The following SEMA3D variants were observed in gnomAD, a reference collection of about 807,000 sequenced individuals.
The protein encoded by SEMA3D is semaphorin 3D.
In SEMA3D, 84 loss-of-function variants were observed where a neutral mutation model predicts 100.1. The ratio of observed to expected loss-of-function variants is 0.84; its 90% CI spans 0.70 to 1.01. SEMA3D has a LOEUF of 1.01. SEMA3D is among the 50% of genes least tolerant of loss of function. SEMA3D has a pLI of 0.00. For missense variants in SEMA3D, 875 were observed against 934.1 expected, an observed-to-expected ratio of 0.94 and a Z score of 0.82; for synonymous variants, 312 against 320.7, an observed-to-expected ratio of 0.97 and a Z score of 0.29.
intron 9 of SEMA3D, among the ~76,000 whole-genome samples, chr7:85,049,718 C>G (rs2116041146): frequency 1.3e-5 from 2 of 151,826 alleles, no homozygotes; most frequent in East Asian, 3.9e-4. Flanking sequence ...CCTAAAAACA[C>G]AAATCTTCAA....
chr7:85,229,204 T>A, the SEMA3D span, among the ~76,000 whole-genome samples: 1 of 152,046 alleles, frequency 6.6e-6, no homozygotes, highest in East Asian at 1.9e-4. Context: ...TACATGTAAT[T>A]GTAAGCCTTC....
At chr7:85,146,528 T>G (rs956256790) in intron 2 of SEMA3D, among the ~76,000 whole-genome samples, 4 of 151,276 alleles carry the variant, frequency 2.6e-5, no homozygotes, top group African/African-American at 9.7e-5. Context: ...CACTCCAGCC[T>G]GGGTGACAGA....
At chr7:85,217,728 C>T in the SEMA3D span, among the ~76,000 whole-genome samples, 66 of 152,014 alleles carry the variant, frequency 4.3e-4, no homozygotes, top group Middle Eastern at 0.01. Context: ...TTTATGAAGC[C>T]CATTATGACT....
chr7:85,220,574 G>T, the SEMA3D span, among the ~76,000 whole-genome samples: 7 of 151,884 alleles, frequency 4.6e-5, no homozygotes, highest in African/African-American at 1.7e-4. Flanking sequence ...GTGTAATTTT[G>T]GGCAGCTAAT....
At chr7:85,208,754 A>G in the SEMA3D span, among the ~76,000 whole-genome samples, 9 of 152,190 alleles carry the variant, frequency 5.9e-5, no homozygotes, top group East Asian at 1.7e-3. Flanking sequence ...TGGCAAAGAC[A>G]GTAGGTAAGT....
the SEMA3D span, among the ~76,000 whole-genome samples, chr7:85,230,722 C>T: frequency 1.3e-5 from 2 of 152,164 alleles, no homozygotes; most frequent in African/African-American, 4.8e-5. Flanking sequence ...GCTGTTTGCT[C>T]ATTTCCTGAA....
chr7:85,039,549 C>T (rs1213003596), intron 11 of SEMA3D, among the ~76,000 whole-genome samples: 2 of 152,116 alleles, frequency 1.3e-5, no homozygotes, highest in Non-Finnish European at 2.9e-5. Flanking sequence ...CATGAGCCAT[C>T]GTGCCCACCG....
the SEMA3D span, among the ~76,000 whole-genome samples, chr7:85,209,300 G>GTGTA: frequency 6.6e-6 from 1 of 151,904 alleles, no homozygotes; most frequent in African/African-American, 2.4e-5. Context: ...ATGTATATGT[G>GTGTA]TGTATATATG....
chr7:85,028,095 T>A, intron 12 of SEMA3D: 1 of 626,180 alleles, frequency 1.6e-6, no homozygotes, highest in African/African-American at 1.8e-5. Context: ...TATGACATAT[T>A]GGCCTTTCAC....
chr7:85,238,785 A>C, the SEMA3D span, among the ~76,000 whole-genome samples: 5 of 152,202 alleles, frequency 3.3e-5, no homozygotes, highest in African/African-American at 2.4e-5. Flanking sequence ...CGTTGGGAAG[A>C]ATTGGAAACC....
chr7:85,247,640 T>G, the SEMA3D span, among the ~76,000 whole-genome samples: 2 of 152,068 alleles, frequency 1.3e-5, no homozygotes, highest in African/African-American at 4.8e-5. Context: ...CTACCTGACT[T>G]CCAGACTTCT....
intron 17 of SEMA3D, among the ~76,000 whole-genome samples, chr7:85,010,557 T>C (rs1789923100): frequency 1.3e-5 from 2 of 151,728 alleles, no homozygotes; most frequent in South Asian, 2.1e-4. Flanking sequence ...CCAGAAGGAC[T>C]AACTGAGAGG....
At chr7:85,148,050 A>G (rs1251785746) in intron 2 of SEMA3D, among the ~76,000 whole-genome samples, 2 of 152,202 alleles carry the variant, frequency 1.3e-5, no homozygotes, top group African/African-American at 4.8e-5. Context: ...TTCTATGGTC[A>G]GAGATCACAA....
At chr7:85,124,658 C>A (rs953279281) in intron 2 of SEMA3D, among the ~76,000 whole-genome samples, 2 of 152,010 alleles carry the variant, frequency 1.3e-5, no homozygotes, top group East Asian at 3.9e-4. Flanking sequence ...GAAAAGCAAA[C>A]AGAGACAGTT....
the SEMA3D span, among the ~76,000 whole-genome samples, chr7:85,228,551 C>T: frequency 2.6e-5 from 4 of 152,006 alleles, no homozygotes; most frequent in African/African-American, 9.7e-5. Context: ...TGTTGTTGCC[C>T]TCCAGGCCAT....
chr7:85,222,905 G>A, the SEMA3D span, among the ~76,000 whole-genome samples: 288 of 151,998 alleles, frequency 1.9e-3, 1 homozygote, highest in Non-Finnish European at 3.2e-3. Context: ...ACCATGCATC[G>A]GACAAAGGAC....
In SEMA3D at chr7:85,012,756, A is replaced by T. The variant is rs753977126; in HGVS notation, c.1768+26T>A. 4 of 1,575,946 alleles carry T rather than the reference A, an allele frequency of 2.5e-6. No individual in the cohort carries two copies. In the South Asian group the frequency reaches 4.4e-5, roughly 18 times the overall value. On this transcript the variant is annotated intron_variant, in intron 17 of 18. Transcript: ENST00000284136. ...GTGGGCTTAGCATTTTAAATGGGAG[A>T]AAAAGCATATCAGAGCTGTACTTAC...
At chr7:85,043,710 G>A (rs1562794850) in intron 9 of SEMA3D, among the ~76,000 whole-genome samples, 1 of 152,048 alleles carries the variant, frequency 6.6e-6, no homozygotes, top group Non-Finnish European at 1.5e-5. Context: ...TCTCGTGATA[G>A]TGAATGGGTC....
chr7:85,152,813 A>T (rs1790466187), intron 2 of SEMA3D, among the ~76,000 whole-genome samples: 1 of 152,160 alleles, frequency 6.6e-6, no homozygotes, highest in Non-Finnish European at 1.5e-5. Flanking sequence ...ATAAAATAGT[A>T]GAAGGGACTA....
Sources: gnomAD v4.1 joint callset for allele counts (sites outside exome capture counted in the v4.1 genomes callset) on GRCh38, gnomAD v4.1.1 for gene constraint, MANE v1.5 for transcripts, NCBI Gene and HGNC (gene_info 2026-07-23, HGNC 2026-07-21) for gene names.